Variants in MROH7 observed in about 807,000 individuals in gnomAD.
The protein encoded by MROH7 is maestro heat-like repeat-containing protein family member 7.
A neutral mutation model predicts 129.2 loss-of-function variants in MROH7; 113 were observed. The observed-to-expected ratio is 0.87, with a 90% CI of 0.75 to 1.02. The LOEUF is 1.02. Ranked by LOEUF, MROH7 falls within the 50% of genes least tolerant of loss-of-function variation. MROH7 has a pLI of 0.00. For synonymous variants in MROH7, 655 were observed against 667.9 expected, an observed-to-expected ratio of 0.98 and a Z score of 0.30; for missense variants, 1,601 against 1,671.3, an observed-to-expected ratio of 0.96 and a Z score of 0.73.
intron 1 of MROH7, among the ~76,000 whole-genome samples, chr1:54,648,448 C>T (rs1011535687): frequency 1.3e-5 from 2 of 151,958 alleles, no homozygotes; most frequent in South Asian, 4.1e-4. Flanking sequence ...TCACTGCAAC[C>T]TCTGCCTCCC....
intron 9 of MROH7, 99 bp downstream of exon 9, chr1:54,673,904 C>A: frequency 6.5e-7 from 1 of 1,530,262 alleles, no homozygotes. Context: ...TGGCTCTTGC[C>A]ATCTTCAGAG....
At chr1:54,687,693 C>G (rs931976007) in intron 15 of MROH7, among the ~76,000 whole-genome samples, 4 of 152,018 alleles carry the variant, frequency 2.6e-5, no homozygotes, top group African/African-American at 9.7e-5. Flanking sequence ...CAAATTGCCT[C>G]CCACAGAGAG....
At chr1:54,670,107 T>C (rs952279956) in intron 5 of MROH7, among the ~76,000 whole-genome samples, 1 of 151,582 alleles carries the variant, frequency 6.6e-6, no homozygotes, top group Non-Finnish European at 1.5e-5. Flanking sequence ...TTTAAAGGAA[T>C]GCAACTGGGC....
chr1:54,686,505 A>G, intron 15 of MROH7, 57 bp downstream of exon 15: 1 of 1,519,782 alleles, frequency 6.6e-7, no homozygotes, highest in Non-Finnish European at 9.0e-7. Flanking sequence ...AGGGCCATCC[A>G]GTCAGAGCCT....
chr1:54,696,659 C>CTTTTTTTTT lies in MROH7; in HGVS notation c.2964+1191_2964+1199dup, dbSNP rs1157748080. ...TGTTGCATGCATCACAATTTCCTTA[C>CTTTTTTTTT]TTTTTTTTTTTTTTTTTTTTTTTTT... On this transcript the variant is annotated intron_variant, in intron 17 of 23. Coordinates refer to ENST00000421030, the MANE Select transcript of MROH7 (RefSeq NM_001039464.4). Among the ~76,000 whole-genome samples, 26 of 66,896 alleles carry CTTTTTTTTT rather than the reference C, an allele frequency of 3.9e-4. 1 individual carries two copies. Among genetic ancestry groups the CTTTTTTTTT allele is most frequent in the African/African-American group, 5.5e-4 (8 of 14,624 alleles). 43.9% of individuals were successfully genotyped at this position (66,896 alleles called of 152,430 possible).
chr1:54,709,212 T>A, intron 23 of MROH7, 136 bp downstream of exon 23: 1 of 510,148 alleles, frequency 2.0e-6, no homozygotes. Flanking sequence ...ACTAGTTTTT[T>A]GTTTGTTTGT....
chr1:54,670,492 T>C lies in MROH7; in HGVS notation c.1390-5T>C, dbSNP rs1332237486. ...TCATCGGCCCTTCTGTGGCCCCCTG[T>C]CCAGAGGCAGATCCAGGAGGAGCCA... On this transcript the variant is annotated splice_region_variant and splice_polypyrimidine_tract_variant and intron_variant, in intron 5 of 23. Coordinates refer to ENST00000421030, the MANE Select transcript of MROH7 (RefSeq NM_001039464.4). The C allele has an allele frequency of 2.0e-5, 33 of 1,613,384 alleles. No homozygotes were observed. Among genetic ancestry groups the C allele is most frequent in the Non-Finnish European group, 2.7e-5 (32 of 1,179,756 alleles).
chr1:54,665,334 A>G, intron 4 of MROH7, 94 bp downstream of exon 4: 1 of 864,508 alleles, frequency 1.2e-6, no homozygotes, highest in Non-Finnish European at 1.9e-6. Flanking sequence ...CGCATTCCCC[A>G]TGCCTCTGCC....
chr1:54,706,639 T>C lies in MROH7; in HGVS notation c.3667+102T>C, dbSNP rs1645539085. On this transcript the variant is annotated intron_variant, in intron 22 of 23. Coordinates refer to ENST00000421030, the MANE Select transcript of MROH7 (RefSeq NM_001039464.4). The stretch of plus-strand genomic sequence containing the variant: ...GCCCTTTCAGCACCTGGGGGGATGC[T>C]TCCCTTTGGGTGCAAGGCTTGGCCA... The C allele has an allele frequency of 3.6e-6, 3 of 844,110 alleles. No homozygotes were observed. The Admixed American group carries it at 6.3e-5, about 18-fold the overall frequency. 52.3% of individuals were successfully genotyped at this position (844,110 alleles called of 1,614,324 possible).
Position 54,702,159 on chromosome 1 carries a change from C to T in MROH7, c.3355C>T (p.Arg1119Cys), listed in dbSNP as rs376324443. The T allele has an allele frequency of 1.5e-4, 244 of 1,610,594 alleles. No homozygotes were observed. The highest frequency in any genetic ancestry group is 5.1e-4 in the Middle Eastern group (3 of 5,888). ...GGTGGTCCAGAAGCTTCGGGCACCA[C>T]GCACTCAGGCCATGGAGGAGCAGCT... ...GKVVQKLRAPRTQAMEEQLVS... is the reference protein window; with the variant it reads ...GKVVQKLRAPCTQAMEEQLVS... The change falls in exon 20 of 24, where the codon CGC becomes TGC. Residue 1119 changes from arginine to cysteine, a missense_variant. Transcript: ENST00000421030.
chr1:54,706,605 A>G, intron 22 of MROH7, 68 bp downstream of exon 22: 2 of 1,252,012 alleles, frequency 1.6e-6, no homozygotes, highest in Non-Finnish European at 2.3e-6. Context: ...GTTTCCTCCC[A>G]GGCTGCTAGC....
intron 3 of MROH7, among the ~76,000 whole-genome samples, chr1:54,654,565 C>T (rs1438695208): frequency 2.0e-5 from 3 of 151,922 alleles, no homozygotes; most frequent in African/African-American, 4.8e-5. Context: ...CCCAGCTACT[C>T]GGGAGGCTGA....
Position 54,709,941 on chromosome 1 carries a change from C to T in MROH7, c.3731-5C>T, listed in dbSNP as rs368479306. The T allele has an allele frequency of 9.0e-5, 144 of 1,608,490 alleles. No individual in the cohort carries two copies. The African/African-American group carries it at 1.3e-3, about 14-fold the overall frequency. On this transcript the variant is annotated splice_region_variant and splice_polypyrimidine_tract_variant and intron_variant, in intron 23 of 23. Coordinates refer to ENST00000421030, the MANE Select transcript of MROH7 (RefSeq NM_001039464.4). ...TAGGAGGCTTCTCCCTTCCCCATGA[C>T]GCAGCTCTGGATAACTTGAGACATG...
intron 17 of MROH7, chr1:54,697,568 G>A (rs1469654663): frequency 4.8e-6 from 3 of 619,514 alleles, no homozygotes; most frequent in East Asian, 5.6e-5. Context: ...GAAAGAGAAA[G>A]GGAAACTACC....
rs907107701 is a variant in MROH7 at position 54,703,797 on chromosome 1, T to C, written c.3564+1052T>C. 2.0e-5 allele frequency among the ~76,000 whole-genome samples: 3 copies of C among 152,002 alleles called. No homozygotes were observed. The highest frequency in any genetic ancestry group is 2.9e-5 in the Non-Finnish European group (2 of 67,984). On this transcript the variant is annotated intron_variant, in intron 21 of 23. Transcript: ENST00000421030. The surrounding 1 kb of genome is among the most constrained non-coding windows in gnomAD (Gnocchi z 4.4). ...GGAGTGCCCCTGGGACCAATACCCATGGAAGGGAGCGGAAGAAACAGGAAT... is the reference window on the plus strand; with the variant it reads ...GGAGTGCCCCTGGGACCAATACCCACGGAAGGGAGCGGAAGAAACAGGAAT...
Position 54,679,298 on chromosome 1 carries a change from G to A in MROH7, c.2085G>A (p.Lys695=). The change falls in exon 12 of 24, where the codon AAG becomes AAA. Residue 695 remains lysine, a synonymous_variant. Transcript: ENST00000421030. The part of the protein sequence containing the change: ...FGDFLGPQQI[K]DLLLAALEGL... ...ACTTCCTGGGGCCCCAGCAGATAAAGGACCTGCTGCTGGCCGCCCTGGAAG... is the reference window on the plus strand; with the variant it reads ...ACTTCCTGGGGCCCCAGCAGATAAAAGACCTGCTGCTGGCCGCCCTGGAAG... 6.2e-7 allele frequency: 1 copy of A among 1,614,218 alleles called. No homozygotes were observed. The highest frequency in any genetic ancestry group is 8.5e-7 in the Non-Finnish European group (1 of 1,180,034).
intron 21 of MROH7, among the ~76,000 whole-genome samples, chr1:54,706,025 A>G (rs1645527721): frequency 1.3e-5 from 2 of 152,066 alleles, no homozygotes; most frequent in South Asian, 4.1e-4. Flanking sequence ...TTCCTAATGT[A>G]CGAGTAAGCC....
chr1:54,694,004 C>T (rs939261538), intron 16 of MROH7, among the ~76,000 whole-genome samples: 8 of 152,164 alleles, frequency 5.3e-5, no homozygotes, highest in Non-Finnish European at 1.2e-4. Context: ...GCCTCAGCCT[C>T]CAGAGTAGCT....
At chr1:54,674,380 T>TC (rs1178199480) in intron 10 of MROH7, among the ~76,000 whole-genome samples, 1 of 152,196 alleles carries the variant, frequency 6.6e-6, no homozygotes, top group Non-Finnish European at 1.5e-5. Flanking sequence ...TCTTGCTTTT[T>TC]CTCATCCTTC....
Sources: gnomAD v4.1 joint callset for allele counts (sites outside exome capture counted in the v4.1 genomes callset) on GRCh38, gnomAD v4.1.1 for gene constraint, Gnocchi (gnomAD v3.1) non-coding constraint, MANE v1.5 for transcripts, NCBI Gene and HGNC (gene_info 2026-07-23, HGNC 2026-07-21) for gene names.